Variants in PCDHGA12 observed in about 807,000 individuals in gnomAD.
PCDHGA12 encodes the protein protocadherin gamma-A12.
A neutral mutation model predicts 61.1 loss-of-function variants in PCDHGA12; 43 were observed. The observed-to-expected ratio is 0.70, with a 90% confidence interval of 0.55 to 0.91. The LOEUF is 0.91. Ranked by LOEUF, PCDHGA12 falls within the 40% of genes least tolerant of loss-of-function variation. PCDHGA12 has a pLI of 0.00. For missense variants in PCDHGA12, 1,236 were observed against 1,227.7 expected (o/e 1.01, Z -0.10); for synonymous variants, 520 against 542.9 (o/e 0.96, Z 0.59).
At chr5:141,478,042 G>A (rs1358652557) in intron 1 of PCDHGA12, 18 of 1,614,152 alleles carry the variant, frequency 1.1e-5, no homozygotes, top group Non-Finnish European at 1.5e-5. Flanking sequence ...CACCCAGGCA[G>A]ACTCTCACGG....
intron 1 of PCDHGA12, among the ~76,000 whole-genome samples, chr5:141,447,631 A>G (rs59518107): frequency 0.11 from 16,809 of 152,214 alleles, 1,093 homozygotes; most frequent in African/African-American, 0.17. Flanking sequence ...AACCAACAGT[A>G]TGAATGATGG....
At chr5:141,462,387 A>G (rs781355919) in intron 1 of PCDHGA12, among the ~76,000 whole-genome samples, 13 of 152,178 alleles carry the variant, frequency 8.5e-5, no homozygotes, top group Non-Finnish European at 1.3e-4. Context: ...AAATTCGTTA[A>G]CATTTCTTTT....
chr5:141,448,786 A>C (rs1354591718), intron 1 of PCDHGA12, among the ~76,000 whole-genome samples: 1 of 148,848 alleles, frequency 6.7e-6, no homozygotes, highest in African/African-American at 2.5e-5. Flanking sequence ...TAAAAATACA[A>C]AAAAAAAAAT....
rs779686795 is a variant in PCDHGA12, at chr5:141,476,566, G to A, written c.2425-18241G>A. On this transcript the variant is annotated intron_variant, in intron 1 of 3. Coordinates refer to ENST00000252085, the MANE Select transcript of PCDHGA12 (RefSeq NM_003735.3). The surrounding 1 kb of genome is among the most constrained non-coding windows in gnomAD (Gnocchi z 7.6). ...TGGAGATTAGCGAGGCCGTGGCTCC[G>A]GGGACGCGCTTTCCGCTCGAGAGCG... The A allele has an allele frequency of 1.2e-6, 2 of 1,614,062 alleles. No homozygotes were observed. Among genetic ancestry groups the A allele is most frequent in the East Asian group, 2.2e-5 (1 of 44,872 alleles).
Position 141,485,011 on chromosome 5 carries a change from C to G in PCDHGA12, c.2425-9796C>G, listed in dbSNP as rs2099605048. 3.2e-6 allele frequency: 2 copies of G among 631,064 alleles called. No homozygotes were observed. The highest frequency in any genetic ancestry group is 5.5e-5 in the East Asian group (2 of 36,662). The allele number at this position is 631,064 out of a possible 1,614,324, so 39.1% of individuals were successfully genotyped here. A position where few individuals can be genotyped will look rare whatever the true frequency, so the allele number is the denominator to read the frequency against. Reference sequence around the variant, plus strand: ...TGGTGAAAGGCAGACAAATCTACCCCGCCACCAGCAAAAACGGCGCGTAAC... The same window carrying G: ...TGGTGAAAGGCAGACAAATCTACCCGGCCACCAGCAAAAACGGCGCGTAAC... On this transcript the variant is annotated intron_variant, in intron 1 of 3. Coordinates refer to ENST00000252085, the MANE Select transcript of PCDHGA12 (RefSeq NM_003735.3). This position sits in a 1 kb window ranked among gnomAD's most constrained non-coding sequence, Gnocchi z 5.7.
intron 1 of PCDHGA12, among the ~76,000 whole-genome samples, chr5:141,482,530 C>CAAAAAAAAAAAAAAAAAAAAAA (rs3074545): frequency 1.3e-5 from 1 of 76,562 alleles, no homozygotes. Context: ...GACAGACATG[C>CAAAAAAAAAAAAAAAAAAAAAA]AAAAAAAAAA....
At position 141,473,299 on chromosome 5, in the gene PCDHGA12, G is replaced by A. The variant is rs182316672; in HGVS notation, c.2425-21508G>A. The stretch of plus-strand genomic sequence containing the variant: ...TATTTTACTATGTCAGTAGCATAAA[G>A]ATTGCTATATTAATAAGCATTAAGT... On this transcript the variant is annotated intron_variant, in intron 1 of 3. Coordinates refer to ENST00000252085, the MANE Select transcript of PCDHGA12 (RefSeq NM_003735.3). 5.6e-4 allele frequency among the ~76,000 whole-genome samples: 86 copies of A among 152,346 alleles called. 1 individual carries two copies. The highest frequency in any genetic ancestry group is 1.9e-3 in the African/African-American group (81 of 41,572).
intron 2 of PCDHGA12, among the ~76,000 whole-genome samples, chr5:141,503,744 A>G (rs1310696654): frequency 2.0e-5 from 3 of 152,112 alleles, no homozygotes; most frequent in African/African-American, 4.8e-5. Context: ...GATGGTATAG[A>G]GGTCACACAT....
intron 1 of PCDHGA12, among the ~76,000 whole-genome samples, chr5:141,444,359 C>T (rs942218966): frequency 7.9e-5 from 12 of 151,582 alleles, no homozygotes; most frequent in East Asian, 7.7e-4. Context: ...TTAGTAGAGA[C>T]GGGGTTTCTC....
intron 1 of PCDHGA12, among the ~76,000 whole-genome samples, chr5:141,454,831 A>C (rs1489772379): frequency 1.3e-5 from 1 of 78,366 alleles, no homozygotes; most frequent in African/African-American, 6.7e-5. Context: ...TTTTTGAGAC[A>C]GAGTCGCGCT....
rs377061064 is a variant in PCDHGA12, at chr5:141,505,429, C to A, written c.2520C>A (p.Asn840Lys). 1.2e-6 allele frequency: 2 copies of A among 1,614,116 alleles called. No homozygotes were observed. Among genetic ancestry groups the A allele is most frequent in the African/African-American group, 1.3e-5 (1 of 74,938 alleles). Residue 840 changes from asparagine (N) to lysine (K), a missense_variant, in exon 3 of 4, where the codon AAC becomes AAA. Asn to Lys is a moderately conservative substitution (Grantham distance 94, BLOSUM62 0). Coordinates refer to ENST00000252085, the MANE Select transcript of PCDHGA12 (RefSeq NM_003735.3). ...QNGDDTGTWP[N>K]NQFDTEMLQA... ...GCGATGACACCGGCACCTGGCCCAA[C>A]AACCAGTTTGACACAGAGATGCTGC...
chr5:141,494,639 C>T, intron 1 of PCDHGA12, 168 bp from the exon 2 acceptor site: 1 of 901,070 alleles, frequency 1.1e-6, no homozygotes, highest in Non-Finnish European at 1.3e-6. Flanking sequence ...ACCTCTGAGA[C>T]CTGAGGTGTA....
rs766852982 is a variant in PCDHGA12, at chr5:141,486,907, A to G, written c.2425-7900A>G. ...CCCGGCCTGGTTCCTTATGTCCCCA[A>G]GCACTGCCTCCATCAGTTGGTGCTG... On this transcript the variant is annotated intron_variant, in intron 1 of 3. Coordinates refer to ENST00000252085, the MANE Select transcript of PCDHGA12 (RefSeq NM_003735.3). The surrounding 1 kb of genome is among the most constrained non-coding windows in gnomAD (Gnocchi z 5.0). 6.2e-5 allele frequency: 100 copies of G among 1,614,122 alleles called. No homozygotes were observed. The highest frequency in any genetic ancestry group is 8.0e-5 in the Non-Finnish European group (94 of 1,180,056).
intron 1 of PCDHGA12, among the ~76,000 whole-genome samples, chr5:141,449,520 C>T (rs1384869748): frequency 1.4e-5 from 2 of 144,104 alleles, no homozygotes; most frequent in Non-Finnish European, 1.5e-5. Context: ...ACCTGGGAGG[C>T]GGAGGTTGCA....
chr5:141,470,842 CA>C (rs1300821457), intron 1 of PCDHGA12, among the ~76,000 whole-genome samples: 2 of 152,044 alleles, frequency 1.3e-5, no homozygotes, highest in African/African-American at 4.8e-5. Flanking sequence ...CACACGCCAC[CA>C]TGCTCAGATA....
At chr5:141,468,965 T>C (rs2099187692) in intron 1 of PCDHGA12, among the ~76,000 whole-genome samples, 1 of 151,738 alleles carries the variant, frequency 6.6e-6, no homozygotes, top group Admixed American at 6.6e-5. Context: ...TTTTTTACCT[T>C]AGGCTTTTGA....
rs758099753 is a variant in PCDHGA12, at chr5:141,432,129, A to G, written c.1370A>G (p.Tyr457Cys). The G allele has an allele frequency of 5.6e-6, 9 of 1,614,054 alleles. No homozygotes were observed. The highest frequency in any genetic ancestry group is 5.5e-5 in the South Asian group (5 of 91,056). The change falls in exon 1 of 4, where the codon TAT becomes TGT. Residue 457 changes from tyrosine to cysteine, a missense_variant. Transcript: ENST00000252085. The surrounding 1 kb of genome is among the most constrained non-coding windows in gnomAD (Gnocchi z 6.0). Reference sequence around the variant, plus strand: ...CCGCCGGTCTTCCCTCAGGCCTCCTATTCCGCTTATATCCCAGAGAACAAT... The same window carrying G: ...CCGCCGGTCTTCCCTCAGGCCTCCTGTTCCGCTTATATCCCAGAGAACAAT... ...DNPPVFPQASYSAYIPENNPR... is the reference protein window; with the variant it reads ...DNPPVFPQASCSAYIPENNPR...
At chr5:141,480,195 G>A (rs1350891459) in intron 1 of PCDHGA12, among the ~76,000 whole-genome samples, 1 of 151,182 alleles carries the variant, frequency 6.6e-6, no homozygotes, top group Non-Finnish European at 1.5e-5. Context: ...CTTGAGGCCA[G>A]CAGTTCAAGA....
rs745435492 is a variant in PCDHGA12, at chr5:141,489,215, A to G, written c.2425-5592A>G. The G allele has an allele frequency of 4.1e-6, 6 of 1,475,362 alleles. No homozygotes were observed. Among genetic ancestry groups the G allele is most frequent in the Non-Finnish European group, 5.5e-6 (6 of 1,093,140 alleles). 91.4% of individuals were successfully genotyped at this position (1,475,362 alleles called of 1,614,324 possible). A position where few individuals can be genotyped will look rare whatever the true frequency, so the allele number is the denominator to read the frequency against. ...CTTGGAGACAGGACAGCACAGACTT[A>G]CTCTCCACAAAGGGACTTCTGGGTC... On this transcript the variant is annotated intron_variant, in intron 1 of 3. Coordinates refer to ENST00000252085, the MANE Select transcript of PCDHGA12 (RefSeq NM_003735.3). The surrounding 1 kb of genome is among the most constrained non-coding windows in gnomAD (Gnocchi z 4.5).
Sources: allele counts gnomAD v4.1 joint callset (sites outside exome capture counted in the v4.1 genomes callset), GRCh38; gene constraint gnomAD v4.1.1; non-coding constraint Gnocchi (gnomAD v3.1); transcripts MANE v1.5; gene names NCBI Gene and HGNC (gene_info 2026-07-23, HGNC 2026-07-21).